The following PARM1 variants were observed in gnomAD, a reference collection of about 807,000 sequenced individuals.
PARM1 encodes prostate androgen-regulated mucin-like protein 1, also known as WSC4, cell wall integrity and stress response component 4 homolog.
In PARM1, 14 loss-of-function variants were observed where a neutral mutation model predicts 24.6. That is an observed-to-expected ratio of 0.57 (90% confidence interval 0.38 to 0.89). The LOEUF (loss-of-function observed/expected upper bound fraction) is 0.89, where lower values mean the gene tolerates loss of function less well. Among genes scored for constraint, PARM1 ranks in the 40% least tolerant of loss-of-function variants. The pLI is 0.00. For missense variants in PARM1, 362 were observed against 380.4 expected (o/e 0.95, Z 0.40); for synonymous variants, 179 against 156.6 (o/e 1.14, Z -1.07).
At chr4:74,961,613 A>AT (rs942720304) in intron 1 of PARM1, among the ~76,000 whole-genome samples, 1 of 152,192 alleles carries the variant, frequency 6.6e-6, no homozygotes, top group Non-Finnish European at 1.5e-5. Context: ...TTATCAGCAT[A>AT]TTTTTCATTC....
At chr4:74,954,512 A>G (rs1399084532) in intron 1 of PARM1, among the ~76,000 whole-genome samples, 1 of 152,234 alleles carries the variant, frequency 6.6e-6, no homozygotes, top group Non-Finnish European at 1.5e-5. Flanking sequence ...CCAACAAAAA[A>G]ACACTGCTGT....
At chr4:74,982,538 CTT>C (rs1431110527) in intron 1 of PARM1, among the ~76,000 whole-genome samples, 1 of 152,046 alleles carries the variant, frequency 6.6e-6, no homozygotes, top group African/African-American at 2.4e-5. Context: ...AAGCAACAAA[CTT>C]TTTTAGTAGC....
intron 2 of PARM1, among the ~76,000 whole-genome samples, chr4:75,033,436 A>T (rs1464740398): frequency 6.6e-6 from 1 of 152,222 alleles, no homozygotes; most frequent in African/African-American, 2.4e-5. Context: ...TGACCCTTGA[A>T]TAAAACATCC....
intron 1 of PARM1, among the ~76,000 whole-genome samples, chr4:74,953,772 G>A (rs551323840): frequency 2.6e-5 from 4 of 151,922 alleles, no homozygotes; most frequent in Non-Finnish European, 4.4e-5. Context: ...TTTGAAAAGC[G>A]ATCCCCACCA....
intron 3 of PARM1, among the ~76,000 whole-genome samples, chr4:75,036,384 T>C (rs1723372875): frequency 6.6e-6 from 1 of 152,212 alleles, no homozygotes; most frequent in Non-Finnish European, 1.5e-5. Flanking sequence ...GTTCAAATCC[T>C]GGCTCTACTA....
intron 1 of PARM1, among the ~76,000 whole-genome samples, chr4:74,991,380 A>G (rs1722463233): frequency 6.6e-6 from 1 of 152,294 alleles, no homozygotes; most frequent in South Asian, 2.1e-4. Flanking sequence ...ACACCTAGAC[A>G]GAGTTTCCAG....
rs1329236162 is a variant in PARM1, at chr4:75,049,774, C to T, written c.*3527C>T. On this transcript the variant is annotated 3_prime_UTR_variant, in exon 4 of 4. Transcript: ENST00000307428. ...ATCTTGCTTGCAAGTGTGCATGGTT[C>T]AATCCCTCACATCCAGGAAATGAAT... The T allele has an allele frequency of 6.6e-6, 1 of 152,302 alleles. No individual in the cohort carries two copies. The highest frequency in any genetic ancestry group is 2.4e-5 in the African/African-American group (1 of 41,280). 9.4% of individuals were successfully genotyped at this position (152,302 alleles called of 1,614,324 possible). A position where few individuals can be genotyped will look rare whatever the true frequency, so the allele number is the denominator to read the frequency against.
At chr4:74,974,556 T>C (rs778597962) in intron 1 of PARM1, among the ~76,000 whole-genome samples, 65 of 152,184 alleles carry the variant, frequency 4.3e-4, no homozygotes, top group African/African-American at 1.5e-3. Context: ...TTCTCTATTA[T>C]GGTTTGTTAC....
At chr4:74,955,519 G>A (rs1176636300) in intron 1 of PARM1, among the ~76,000 whole-genome samples, 2 of 152,318 alleles carry the variant, frequency 1.3e-5, no homozygotes, top group Admixed American at 1.3e-4. Flanking sequence ...TTTTGTCCAA[G>A]ACCTGAACTT....
chr4:74,940,075 G>T (rs1362827488), intron 1 of PARM1, among the ~76,000 whole-genome samples: 2 of 152,140 alleles, frequency 1.3e-5, no homozygotes, highest in African/African-American at 2.4e-5. Context: ...TTTGGCCATG[G>T]TTTTAAACTT....
At chr4:74,971,568 A>G (rs1722038288) in intron 1 of PARM1, among the ~76,000 whole-genome samples, 1 of 152,230 alleles carries the variant, frequency 6.6e-6, no homozygotes, top group Non-Finnish European at 1.5e-5. Flanking sequence ...TACATAAAAT[A>G]ACAAGTGTCT....
chr4:75,039,376 A>G (rs886259759), intron 3 of PARM1, among the ~76,000 whole-genome samples: 1 of 151,378 alleles, frequency 6.6e-6, no homozygotes, highest in Non-Finnish European at 1.5e-5. Flanking sequence ...CTAAAAATAC[A>G]AAAAAAAATT....
intron 1 of PARM1, among the ~76,000 whole-genome samples, chr4:74,969,013 CCTT>C (rs1721967207): frequency 1.3e-5 from 2 of 152,154 alleles, no homozygotes; most frequent in African/African-American, 2.4e-5. Context: ...ATGGAAATAA[CCTT>C]CTGACAGAGA....
At chr4:74,950,383 A>G (rs562623870) in intron 1 of PARM1, among the ~76,000 whole-genome samples, 2 of 152,248 alleles carry the variant, frequency 1.3e-5, no homozygotes, top group East Asian at 3.9e-4. Context: ...TTGGGGCTGC[A>G]TCACTTCAAT....
chr4:74,971,322 A>G (rs1026626743), intron 1 of PARM1, among the ~76,000 whole-genome samples: 3 of 152,212 alleles, frequency 2.0e-5, no homozygotes, highest in Non-Finnish European at 4.4e-5. Flanking sequence ...TCATGAGAAC[A>G]GCACGGGAAA....
chr4:74,942,388 C>CT (rs1163360877), intron 1 of PARM1, among the ~76,000 whole-genome samples: 2 of 152,244 alleles, frequency 1.3e-5, no homozygotes, highest in African/African-American at 4.8e-5. Flanking sequence ...AATTTACATT[C>CT]TTTGAGGATG....
chr4:74,991,500 G>C (rs528187727), intron 1 of PARM1, among the ~76,000 whole-genome samples: 128 of 151,518 alleles, frequency 8.4e-4, no homozygotes, highest in Non-Finnish European at 1.5e-3. Context: ...TCCTGAGGCA[G>C]AGTACCAGAG....
chr4:74,962,154 C>G (rs1454433599), intron 1 of PARM1, among the ~76,000 whole-genome samples: 1 of 151,992 alleles, frequency 6.6e-6, no homozygotes, highest in Non-Finnish European at 1.5e-5. Flanking sequence ...ATATCAATAA[C>G]TAAAAAGAGG....
chr4:75,031,317 C>T (rs535704143), intron 2 of PARM1, among the ~76,000 whole-genome samples: 2 of 152,260 alleles, frequency 1.3e-5, no homozygotes, highest in East Asian at 3.9e-4. Flanking sequence ...TTGGGCTGTA[C>T]AAACTCTTAG....
Sources: gnomAD v4.1 joint callset for allele counts (sites outside exome capture counted in the v4.1 genomes callset) on GRCh38, gnomAD v4.1.1 for gene constraint, MANE v1.5 for transcripts, NCBI Gene and HGNC (gene_info 2026-07-23, HGNC 2026-07-21) for gene names.